Variants in TENM2 observed in about 807,000 individuals in gnomAD.
TENM2 encodes teneurin transmembrane protein 2.
In TENM2, 52 loss-of-function variants were observed where a neutral mutation model predicts 245.2. The ratio of observed to expected loss-of-function variants is 0.21; its 90% CI spans 0.17 to 0.27. TENM2 has a LOEUF of 0.27. Among genes scored for constraint, TENM2 ranks in the 10% least tolerant of loss-of-function variants. The pLI is 1.00. For missense variants in TENM2, 3,046 were observed against 3,666.8 expected (o/e 0.83, Z 4.37); for synonymous variants, 1,363 against 1,438.9 (o/e 0.95, Z 1.19).
chr5:167,315,930 G>A (rs532089093), intron 1 of TENM2, among the ~76,000 whole-genome samples: 1 of 152,212 alleles, frequency 6.6e-6, no homozygotes, highest in African/African-American at 2.4e-5. Flanking sequence ...GAGACCTTGG[G>A]TCCAAAGCGT....
intron 1 of TENM2, chr5:167,297,504 G>A (rs1267106596): frequency 6.6e-6 from 1 of 152,176 alleles, no homozygotes; most frequent in East Asian, 1.9e-4. Flanking sequence ...TATGTTAATT[G>A]ATCCAACGTC....
At chr5:167,547,273 G>GT (rs1294593211) in intron 2 of TENM2, among the ~76,000 whole-genome samples, 4 of 152,088 alleles carry the variant, frequency 2.6e-5, no homozygotes, top group Non-Finnish European at 5.9e-5. Context: ...TTTAGTACAT[G>GT]TTGGCCAGGC....
chr5:167,380,119 G>C (rs4869036), intron 2 of TENM2, among the ~76,000 whole-genome samples: 82,407 of 151,904 alleles, frequency 0.54, 23,734 homozygotes, highest in African/African-American at 0.76. Flanking sequence ...TAGGTTCTGT[G>C]TTTTCCATTC....
chr5:167,351,853 C>A (rs202214790), intron 1 of TENM2, among the ~76,000 whole-genome samples: 13 of 148,866 alleles, frequency 8.7e-5, no homozygotes, highest in South Asian at 2.1e-4. Context: ...AACAAAAAAA[C>A]AAAAAAAAAA....
At chr5:167,390,624 A>G (rs2127360614) in intron 2 of TENM2, among the ~76,000 whole-genome samples, 1 of 152,334 alleles carries the variant, frequency 6.6e-6, no homozygotes, top group Non-Finnish European at 1.5e-5. Context: ...GGAAGCAATT[A>G]CTATTATAAT....
intron 2 of TENM2, among the ~76,000 whole-genome samples, chr5:167,706,711 C>A (rs1290897369): frequency 6.6e-6 from 1 of 151,864 alleles, no homozygotes; most frequent in Non-Finnish European, 1.5e-5. Context: ...ATATTCCCAT[C>A]AATAGTGTTA....
intron 9 of TENM2, among the ~76,000 whole-genome samples, chr5:168,110,258 T>A (rs998983367): frequency 1.3e-5 from 2 of 152,050 alleles, no homozygotes; most frequent in African/African-American, 4.8e-5. Flanking sequence ...CTTTACCCTG[T>A]CTTGTCTCTC....
chr5:168,038,129 G>A (rs114055358), intron 5 of TENM2, among the ~76,000 whole-genome samples: 566 of 152,278 alleles, frequency 3.7e-3, no homozygotes, highest in Middle Eastern at 0.034. Context: ...TACCAGCTGC[G>A]TGTTACTTCA....
At chr5:167,306,149 G>A (rs113334283) in intron 1 of TENM2, 6,208 of 152,240 alleles carry the variant, frequency 0.041, 202 homozygotes, top group South Asian at 0.12. Context: ...TTGTTCAAAC[G>A]CTAAAGGCAG....
At chr5:168,157,298 G>T (rs976614496) in intron 12 of TENM2, among the ~76,000 whole-genome samples, 10 of 152,212 alleles carry the variant, frequency 6.6e-5, no homozygotes, top group African/African-American at 2.4e-4. Context: ...AGGCTGATGT[G>T]GTAAGAGTCA....
chr5:168,034,063 A>ATG (rs1317120207), intron 5 of TENM2, among the ~76,000 whole-genome samples: 149 of 110,478 alleles, frequency 1.3e-3, no homozygotes, highest in African/African-American at 4.9e-3. Flanking sequence ...ATATATATAT[A>ATG]TGTGTATATA....
chr5:167,090,582 C>A, the TENM2 span, among the ~76,000 whole-genome samples: 1 of 152,108 alleles, frequency 6.6e-6, no homozygotes, highest in African/African-American at 2.4e-5. Flanking sequence ...GAGAAGTGAT[C>A]TTTACTCCTC....
chr5:167,138,008 TTA>T, the TENM2 span, among the ~76,000 whole-genome samples: 1 of 152,178 alleles, frequency 6.6e-6, no homozygotes, highest in Non-Finnish European at 1.5e-5. Flanking sequence ...CTTAAAATAT[TTA>T]TATTACCAAT....
the TENM2 span, among the ~76,000 whole-genome samples, chr5:167,006,672 T>C: frequency 6.6e-6 from 1 of 152,108 alleles, no homozygotes; most frequent in African/African-American, 2.4e-5. Flanking sequence ...TTCTTTTTTC[T>C]TTTTCTTTTT....
intron 4 of TENM2, among the ~76,000 whole-genome samples, chr5:167,985,125 A>G (rs935671832): frequency 1.3e-5 from 2 of 152,210 alleles, no homozygotes; most frequent in African/African-American, 4.8e-5. Flanking sequence ...TTCAAAGTGC[A>G]TGGCCAGAAC....
intron 2 of TENM2, among the ~76,000 whole-genome samples, chr5:167,859,556 T>G (rs1285586351): frequency 2.0e-3 from 78 of 38,146 alleles, no homozygotes; most frequent in Non-Finnish European, 2.1e-3. Flanking sequence ...GGGAGGGAGG[T>G]GGGGGGGTCA....
At chr5:167,597,989 C>G (rs1776340214) in intron 2 of TENM2, among the ~76,000 whole-genome samples, 1 of 152,264 alleles carries the variant, frequency 6.6e-6, no homozygotes, top group Non-Finnish European at 1.5e-5. Flanking sequence ...TAACAGAATA[C>G]AACACCATCA....
the TENM2 span, among the ~76,000 whole-genome samples, chr5:167,227,880 A>C: frequency 1.3e-5 from 2 of 152,202 alleles, no homozygotes; most frequent in Non-Finnish European, 2.9e-5. Flanking sequence ...CAACTGAGAC[A>C]TCAGTAATTT....
intron 2 of TENM2, among the ~76,000 whole-genome samples, chr5:167,815,893 T>C (rs1767011848): frequency 6.6e-6 from 1 of 152,074 alleles, no homozygotes; most frequent in African/African-American, 2.4e-5. Context: ...AGATCTCTTC[T>C]TTCCCCTGAC....
Sources: gnomAD v4.1 joint callset for allele counts (sites outside exome capture counted in the v4.1 genomes callset) on GRCh38, gnomAD v4.1.1 for gene constraint, MANE v1.5 for transcripts, NCBI Gene and HGNC (gene_info 2026-07-23, HGNC 2026-07-21) for gene names.